NFIA: variants seen among roughly 807,000 people sequenced by gnomAD.
NFIA encodes nuclear factor 1 A-type.
A neutral mutation model predicts 62.8 loss-of-function variants in NFIA; 8 were observed. The ratio of observed to expected loss-of-function variants is 0.13; its 90% CI spans 0.07 to 0.23. The LOEUF is 0.23. NFIA is among the 10% of genes least tolerant of loss of function. The probability of loss-of-function intolerance (pLI) is 1.00; values close to 1 mark genes in which losing one functional copy is unlikely to be tolerated. For synonymous variants in NFIA, 235 were observed against 238.1 expected (o/e 0.99, Z 0.12); for missense variants, 410 against 642.1 (o/e 0.64, Z 3.91).
chr1:61,422,147 C>T (rs1304937428), intron 9 of NFIA, among the ~76,000 whole-genome samples: 3 of 152,042 alleles, frequency 2.0e-5, no homozygotes, highest in Non-Finnish European at 4.4e-5. Flanking sequence ...TCTGTAGTCC[C>T]AGCTACTCAG....
At chr1:61,154,245 C>G (rs1648633950) in intron 2 of NFIA, among the ~76,000 whole-genome samples, 1 of 152,114 alleles carries the variant, frequency 6.6e-6, no homozygotes, top group Non-Finnish European at 1.5e-5. Flanking sequence ...TGAGCCTTGG[C>G]TCACCGCCTC....
chr1:61,422,518 A>C (rs953243720), intron 9 of NFIA, among the ~76,000 whole-genome samples: 3 of 152,106 alleles, frequency 2.0e-5, no homozygotes, highest in African/African-American at 7.2e-5. Flanking sequence ...AAAAAGAAAA[A>C]AGGAAACCTA....
At chr1:61,282,685 A>T (rs1658209126) in intron 3 of NFIA, among the ~76,000 whole-genome samples, 1 of 152,180 alleles carries the variant, frequency 6.6e-6, no homozygotes. Flanking sequence ...TCTCACTGTT[A>T]TCCGTGAAAG....
intron 7 of NFIA, among the ~76,000 whole-genome samples, chr1:61,388,120 G>A (rs543575993): frequency 5.3e-5 from 8 of 152,282 alleles, no homozygotes; most frequent in Admixed American, 4.6e-4. Flanking sequence ...GTACCATGGG[G>A]ACAATACTTT....
Position 61,426,471 on chromosome 1 carries a change from C to T in NFIA, c.1427C>T (p.Ser476Leu). ...GTGTCCCTTCCCTTCACAGCCTACT[C>T]GACACCCAGCACCTCCCCCGCAAAC... The part of the protein sequence containing the change: ...GAASPTSPTY[S>L]TPSTSPANRF... Residue 476 changes from serine to leucine, a missense_variant, in exon 10 of 11, where the codon TCG becomes TTG. Coordinates refer to ENST00000403491, the MANE Select transcript of NFIA (RefSeq NM_001134673.4). 2.6e-6 allele frequency: 4 copies of T among 1,551,584 alleles called. No individual in the cohort carries two copies. Among genetic ancestry groups the T allele is most frequent in the Non-Finnish European group, 3.5e-6 (4 of 1,146,744 alleles).
At chr1:61,455,082 G>T (rs1194829278) in intron 10 of NFIA, among the ~76,000 whole-genome samples, 1 of 152,132 alleles carries the variant, frequency 6.6e-6, no homozygotes, top group Non-Finnish European at 1.5e-5. Context: ...TACTCAGAAT[G>T]TTGGAAAACC....
intron 2 of NFIA, among the ~76,000 whole-genome samples, chr1:61,129,391 G>A (rs1375528500): frequency 6.6e-6 from 1 of 151,210 alleles, no homozygotes; most frequent in African/African-American, 2.4e-5. Flanking sequence ...TTAAAGGATG[G>A]TTTCTGTGCA....
intron 7 of NFIA, among the ~76,000 whole-genome samples, chr1:61,391,274 G>A (rs1351835639): frequency 6.6e-6 from 1 of 151,910 alleles, no homozygotes; most frequent in Non-Finnish European, 1.5e-5. Flanking sequence ...TGTTACCTAG[G>A]CTGGTCTCGA....
intron 4 of NFIA, among the ~76,000 whole-genome samples, chr1:61,337,487 G>C (rs1043013313): frequency 1.3e-5 from 2 of 152,100 alleles, no homozygotes; most frequent in South Asian, 2.1e-4. Flanking sequence ...TTATTGCCTT[G>C]TTCCAGGGGA....
chr1:61,454,574 C>T (rs1054213644), intron 10 of NFIA, among the ~76,000 whole-genome samples: 1 of 152,152 alleles, frequency 6.6e-6, no homozygotes, highest in Non-Finnish European at 1.5e-5. Flanking sequence ...AAATCTTGAT[C>T]CTACTTAGTT....
intron 2 of NFIA, among the ~76,000 whole-genome samples, chr1:61,173,865 G>C (rs148516922): frequency 1.3e-5 from 2 of 152,282 alleles, no homozygotes; most frequent in African/African-American, 2.4e-5. Context: ...AGTTTATTCT[G>C]TACAGCTGGG....
intron 6 of NFIA, among the ~76,000 whole-genome samples, chr1:61,364,476 T>A (rs1443793259): frequency 1.3e-5 from 2 of 152,162 alleles, no homozygotes; most frequent in African/African-American, 4.8e-5. Context: ...CTCTCAGAAT[T>A]GGTGTTTACT....
At position 61,235,185 on chromosome 1, in the gene NFIA, G is replaced by A. The variant is rs534444985; in HGVS notation, c.560-42335G>A. 4.6e-5 allele frequency among the ~76,000 whole-genome samples: 7 copies of A among 152,288 alleles called. No individual in the cohort carries two copies. The East Asian group carries it at 1.4e-3, about 29-fold the overall frequency. On this transcript the variant is annotated intron_variant, in intron 2 of 10. Coordinates refer to ENST00000403491, the MANE Select transcript of NFIA (RefSeq NM_001134673.4). Reference sequence around the variant, plus strand: ...ATTTTTAAAAATGAACAAAGGGGCTGGGCGCGGTGGCTCATGCCTATGATC... The same window carrying A: ...ATTTTTAAAAATGAACAAAGGGGCTAGGCGCGGTGGCTCATGCCTATGATC...
intron 4 of NFIA, among the ~76,000 whole-genome samples, chr1:61,341,414 C>CAT (rs756217892): frequency 6.6e-5 from 10 of 152,166 alleles, no homozygotes; most frequent in Non-Finnish European, 1.0e-4. Flanking sequence ...TGCTTTCACT[C>CAT]ATATTATGAG....
At chr1:61,446,859 G>A (rs1667833396) in intron 10 of NFIA, among the ~76,000 whole-genome samples, 1 of 152,200 alleles carries the variant, frequency 6.6e-6, no homozygotes, top group East Asian at 1.9e-4. Context: ...CAAGAGCGAG[G>A]AGGCACGGAG....
intron 2 of NFIA, among the ~76,000 whole-genome samples, chr1:61,187,945 C>G (rs920009447): frequency 6.6e-6 from 1 of 152,130 alleles, no homozygotes; most frequent in African/African-American, 2.4e-5. Flanking sequence ...GCCTCGCTCA[C>G]TTTGCCTCCT....
In NFIA at chr1:61,146,440, A is replaced by G. The variant is rs1004248127; in HGVS notation, c.559+57760A>G. The stretch of plus-strand genomic sequence containing the variant: ...TTTATTGAGCAGTCTTTCCCATTCT[A>G]TGAAACCCAACCCAGGAGAAAACGC... On this transcript the variant is annotated intron_variant, in intron 2 of 10. Coordinates refer to ENST00000403491, the MANE Select transcript of NFIA (RefSeq NM_001134673.4). Among the ~76,000 whole-genome samples, 6 of 152,166 alleles carry G rather than the reference A, an allele frequency of 3.9e-5. No individual in the cohort carries two copies. The East Asian group carries it at 1.2e-3, about 29-fold the overall frequency.
chr1:61,108,518 C>T (rs1235953226), intron 2 of NFIA, among the ~76,000 whole-genome samples: 1 of 151,544 alleles, frequency 6.6e-6, no homozygotes, highest in Non-Finnish European at 1.5e-5. Flanking sequence ...ATAATCATAT[C>T]AAATGCAAAC....
chr1:61,228,754 T>C (rs1162998411), intron 2 of NFIA, among the ~76,000 whole-genome samples: 5 of 152,186 alleles, frequency 3.3e-5, no homozygotes, highest in Non-Finnish European at 7.3e-5. Flanking sequence ...CTGAAGATCA[T>C]ATTAGTAGTA....
Sources: gnomAD v4.1 joint callset for allele counts (sites outside exome capture counted in the v4.1 genomes callset) on GRCh38, gnomAD v4.1.1 for gene constraint, MANE v1.5 for transcripts, NCBI Gene and HGNC (gene_info 2026-07-23, HGNC 2026-07-21) for gene names.